The following FAAH2 variants were observed in gnomAD, a reference collection of about 807,000 sequenced individuals.
FAAH2 encodes the protein fatty-acid amide hydrolase 2.
FAAH2 carries 60 observed loss-of-function variants against 36.9 expected under a neutral mutation model. The ratio of observed to expected loss-of-function variants is 1.63; its 90% CI spans 1.32 to 2.02. The LOEUF (loss-of-function observed/expected upper bound fraction) is 2.02. FAAH2 is among the 30% of genes most tolerant of loss of function. FAAH2 has a pLI of 0.00. For missense variants in FAAH2, 689 were observed against 397.5 expected (o/e 1.73, Z -6.23); for synonymous variants, 214 against 143.8 (o/e 1.49, Z -3.49).
At chrX:57,444,721 A>G (rs1363820055) in intron 8 of FAAH2, among the ~76,000 whole-genome samples, 1 of 111,234 alleles carries the variant, frequency 9.0e-6, no homozygotes, top group East Asian at 2.8e-4. Context: ...CCATCTTGTA[A>G]CCTCGAGCCT....
the FAAH2 span, among the ~76,000 whole-genome samples, chrX:57,245,426 A>G: frequency 8.9e-6 from 1 of 112,133 alleles, no homozygotes; most frequent in Non-Finnish European, 1.9e-5. Context: ...CAGAATATAC[A>G]TTCTTCTCAG....
At chrX:57,176,002 AT>A in the FAAH2 span, among the ~76,000 whole-genome samples, 9 of 110,456 alleles carry the variant, frequency 8.1e-5, no homozygotes, top group Non-Finnish European at 1.5e-4. Flanking sequence ...TGCTTTTAGA[AT>A]TTTTTTTCCT....
At chrX:57,435,704 T>C (rs910428704) in intron 8 of FAAH2, among the ~76,000 whole-genome samples, 1 of 111,116 alleles carries the variant, frequency 9.0e-6, no homozygotes, top group Admixed American at 9.7e-5. Flanking sequence ...AAACAAATAT[T>C]ACTACATCTA....
intron 2 of FAAH2, among the ~76,000 whole-genome samples, chrX:57,295,307 C>T (rs907595126): frequency 1.8e-5 from 2 of 112,346 alleles, no homozygotes; most frequent in Non-Finnish European, 3.8e-5. Context: ...ATTGTTGAAA[C>T]AATGGTGTCA....
chrX:57,197,278 A>G, the FAAH2 span, among the ~76,000 whole-genome samples: 2 of 109,924 alleles, frequency 1.8e-5, no homozygotes, highest in Non-Finnish European at 3.8e-5. Context: ...TATCTGTATT[A>G]TTTGTTCTTT....
intron 5 of FAAH2, among the ~76,000 whole-genome samples, chrX:57,367,009 C>A (rs1406314812): frequency 8.9e-6 from 1 of 112,427 alleles, no homozygotes; most frequent in African/African-American, 3.2e-5. Context: ...GCCAACTCTC[C>A]AGGCAGTTCT....
intron 7 of FAAH2, among the ~76,000 whole-genome samples, chrX:57,388,954 T>C (rs1167049845): frequency 9.1e-6 from 1 of 110,041 alleles, no homozygotes; most frequent in African/African-American, 3.3e-5. Context: ...TATCTCTGAA[T>C]AATATTTCAT....
At chrX:57,234,255 A>G in the FAAH2 span, among the ~76,000 whole-genome samples, 2 of 111,566 alleles carry the variant, frequency 1.8e-5, no homozygotes, top group Admixed American at 1.9e-4. Context: ...GTCAAAAAGC[A>G]GCACACCACA....
At chrX:57,458,983 C>T (rs1487900006) in intron 10 of FAAH2, among the ~76,000 whole-genome samples, 7 of 111,898 alleles carry the variant, frequency 6.3e-5, no homozygotes, top group Admixed American at 5.7e-4. Flanking sequence ...CCGTTCACTC[C>T]CCTGGAAAGA....
At chrX:57,411,126 G>A (rs770183879) in intron 7 of FAAH2, among the ~76,000 whole-genome samples, 7 of 111,904 alleles carry the variant, frequency 6.3e-5, no homozygotes, top group Non-Finnish European at 9.4e-5. Context: ...TCTGGGAGGC[G>A]TTCAGACCTT....
At chrX:57,394,622 A>G in intron 7 of FAAH2, 1 of 1,109,216 alleles carries the variant, frequency 9.0e-7, no homozygotes, top group Non-Finnish European at 1.2e-6. Flanking sequence ...CATGAGCCCT[A>G]AGCCACCAGG....
At chrX:57,281,088 C>T in the FAAH2 span, among the ~76,000 whole-genome samples, 1 of 111,153 alleles carries the variant, frequency 9.0e-6, no homozygotes, top group Non-Finnish European at 1.9e-5. Context: ...GTGGTGTGGA[C>T]ATAAAAGGAC....
At chrX:57,270,747 C>T in the FAAH2 span, among the ~76,000 whole-genome samples, 2 of 111,065 alleles carry the variant, frequency 1.8e-5, no homozygotes, top group Non-Finnish European at 3.8e-5. Context: ...AATTTTCTCC[C>T]CTACACAAGA....
chrX:57,309,827 C>T (rs1185474005), intron 2 of FAAH2, among the ~76,000 whole-genome samples: 4 of 111,799 alleles, frequency 3.6e-5, no homozygotes, highest in African/African-American at 1.3e-4. Context: ...TCCAGTCTAC[C>T]ATTGATGAGA....
intron 5 of FAAH2, among the ~76,000 whole-genome samples, chrX:57,357,044 G>T (rs1186775437): frequency 9.0e-6 from 1 of 111,076 alleles, no homozygotes; most frequent in African/African-American, 3.3e-5. Context: ...GTGATGTTTG[G>T]TTTTCTGCTC....
chrX:57,350,460 T>C (rs1481075319), intron 5 of FAAH2, among the ~76,000 whole-genome samples: 20 of 109,999 alleles, frequency 1.8e-4, no homozygotes, highest in African/African-American at 6.2e-4. Context: ...AAATAACTTA[T>C]GAAACAAGCA....
chrX:57,133,548 C>A, the FAAH2 span, among the ~76,000 whole-genome samples: 5 of 110,978 alleles, frequency 4.5e-5, no homozygotes, highest in East Asian at 8.5e-4. Flanking sequence ...GGACTGAGAC[C>A]TACCTAAGGC....
intron 8 of FAAH2, among the ~76,000 whole-genome samples, chrX:57,439,449 G>C (rs931264934): frequency 2.3e-4 from 26 of 111,516 alleles, no homozygotes; most frequent in African/African-American, 7.8e-4. Flanking sequence ...TGATGGGGTT[G>C]TTTGTTTTTT....
At chrX:57,383,052 A>C (rs1455921732) in intron 7 of FAAH2, among the ~76,000 whole-genome samples, 2 of 112,062 alleles carry the variant, frequency 1.8e-5, no homozygotes, top group South Asian at 3.7e-4. Context: ...AATCCAGCAT[A>C]TAAACAGAAC....
Sources: allele counts gnomAD v4.1 joint callset (sites outside exome capture counted in the v4.1 genomes callset), GRCh38; gene constraint gnomAD v4.1.1; transcripts MANE v1.5; gene names NCBI Gene and HGNC (gene_info 2026-07-23, HGNC 2026-07-21).